The following PDE1C variants were observed in gnomAD, a reference collection of about 807,000 sequenced individuals.
PDE1C encodes the protein dual specificity calcium/calmodulin-dependent 3',5'-cyclic nucleotide phosphodiesterase 1C.
PDE1C carries 62 observed loss-of-function variants against 93.1 expected under a neutral mutation model. The ratio of observed to expected loss-of-function variants is 0.67; its 90% CI spans 0.54 to 0.82. The LOEUF (loss-of-function observed/expected upper bound fraction) is 0.82, where lower values mean the gene tolerates loss of function less well. PDE1C is among the 40% of genes least tolerant of loss of function. The pLI is 0.00. For synonymous variants in PDE1C, 325 were observed against 310.1 expected, an observed-to-expected ratio of 1.05 and a Z score of -0.50; for missense variants, 742 against 884.6, an observed-to-expected ratio of 0.84 and a Z score of 2.04.
chr7:31,811,601 G>A (rs1000078485), intron 15 of PDE1C, among the ~76,000 whole-genome samples: 1 of 152,090 alleles, frequency 6.6e-6, no homozygotes, highest in African/African-American at 2.4e-5. Context: ...GTTCCTTCTA[G>A]TTCATTCTTC....
intron 16 of PDE1C, among the ~76,000 whole-genome samples, chr7:31,802,795 G>A (rs1285613038): frequency 6.6e-6 from 1 of 151,684 alleles, no homozygotes; most frequent in East Asian, 2.0e-4. Flanking sequence ...ATGTTTGTTT[G>A]TCTGTACATA....
intron 3 of PDE1C, among the ~76,000 whole-genome samples, chr7:32,095,514 ATGGGT>A (rs1797704330): frequency 6.6e-6 from 1 of 152,190 alleles, no homozygotes; most frequent in Admixed American, 6.5e-5. Context: ...GCAGAGGTAT[ATGGGT>A]TGGCCAGAAT....
chr7:31,816,434 G>A (rs572644523), intron 14 of PDE1C, among the ~76,000 whole-genome samples: 31 of 152,188 alleles, frequency 2.0e-4, no homozygotes, highest in Admixed American at 4.6e-4. Flanking sequence ...TAATATCACC[G>A]TTATTAATAG....
intron 8 of PDE1C, 55 bp downstream of exon 8, chr7:31,850,586 A>G: frequency 8.4e-7 from 1 of 1,189,372 alleles, no homozygotes; most frequent in Non-Finnish European, 1.3e-6. Context: ...TCTGATTTCT[A>G]AAACTGTCTC....
intron 2 of PDE1C, among the ~76,000 whole-genome samples, chr7:32,019,857 T>C (rs1788414146): frequency 6.6e-6 from 1 of 152,118 alleles, no homozygotes; most frequent in Admixed American, 6.6e-5. Context: ...AATAAAAAGT[T>C]TTAAATACAT....
the PDE1C span, among the ~76,000 whole-genome samples, chr7:31,714,743 A>G: frequency 6.6e-6 from 1 of 152,198 alleles, no homozygotes; most frequent in South Asian, 2.1e-4. Flanking sequence ...CTCTTTATAT[A>G]ACTGTCAGAT....
intron 17 of PDE1C, among the ~76,000 whole-genome samples, chr7:31,772,757 T>C (rs1047799413): frequency 6.6e-6 from 1 of 152,184 alleles, no homozygotes; most frequent in African/African-American, 2.4e-5. Flanking sequence ...ATGTAGGTGG[T>C]GTTGAAGAAA....
rs1192491809 is a variant in PDE1C at position 31,828,270 on chromosome 7, CCAAAGAGCTG to C, written c.1285+12_1285+21del. The stretch of plus-strand genomic sequence containing the variant: ...AGGCTTCCTGCTTTGGTGCTTCTAT[CCAAAGAGCTG>C]CAAACACGTACCTACTTGTGACTGA... On this transcript the variant is annotated intron_variant, in intron 12 of 17. Coordinates refer to ENST00000396191, the MANE Select transcript of PDE1C (RefSeq NM_001191057.4). The C allele has an allele frequency of 6.2e-7, 1 of 1,601,456 alleles. No homozygotes were observed. The highest frequency in any genetic ancestry group is 8.6e-7 in the Non-Finnish European group (1 of 1,169,428).
intron 2 of PDE1C, among the ~76,000 whole-genome samples, chr7:32,197,798 A>G (rs531093387): frequency 2.0e-3 from 303 of 152,322 alleles, no homozygotes; most frequent in African/African-American, 6.9e-3. Context: ...GACTGTGGGT[A>G]TGGATCTCAG....
chr7:31,811,512 A>C (rs534742876), intron 15 of PDE1C, among the ~76,000 whole-genome samples: 1 of 152,178 alleles, frequency 6.6e-6, no homozygotes, highest in African/African-American at 2.4e-5. Context: ...GTCCCACAAA[A>C]CAGTCCAAAT....
chr7:31,980,372 C>G (rs1480690411), intron 2 of PDE1C, among the ~76,000 whole-genome samples: 1 of 152,192 alleles, frequency 6.6e-6, no homozygotes, highest in Admixed American at 6.5e-5. Flanking sequence ...TAATTTCCAT[C>G]TACTAACATA....
chr7:32,234,717 C>T (rs1807947596), intron 1 of PDE1C, among the ~76,000 whole-genome samples: 1 of 151,982 alleles, frequency 6.6e-6, no homozygotes, highest in Non-Finnish European at 1.5e-5. Flanking sequence ...ACCAATTCTA[C>T]ACAATTTCTT....
At chr7:31,798,652 C>T (rs1785607861) in intron 16 of PDE1C, among the ~76,000 whole-genome samples, 1 of 151,690 alleles carries the variant, frequency 6.6e-6, no homozygotes, top group Non-Finnish European at 1.5e-5. Context: ...ACAAATAGAT[C>T]TTTCAGAAAT....
At chr7:32,395,733 A>C (rs1025098507) in intron 1 of PDE1C, among the ~76,000 whole-genome samples, 2 of 152,172 alleles carry the variant, frequency 1.3e-5, no homozygotes, top group Non-Finnish European at 2.9e-5. Flanking sequence ...TGTTTTACAG[A>C]CTCTTGATCT....
intron 3 of PDE1C, among the ~76,000 whole-genome samples, chr7:32,141,250 C>A (rs977435081): frequency 2.6e-5 from 4 of 152,092 alleles, no homozygotes; most frequent in Admixed American, 2.0e-4. Flanking sequence ...GAGAATAGCT[C>A]AAGGACAGGA....
intron 16 of PDE1C, among the ~76,000 whole-genome samples, chr7:31,795,968 A>G (rs1785234208): frequency 1.3e-5 from 2 of 151,446 alleles, no homozygotes; most frequent in Non-Finnish European, 3.0e-5. Flanking sequence ...AATCGAAAAA[A>G]CCTTTTAGAG....
chr7:31,750,713 TG>T (rs1191863232), downstream of PDE1C, among the ~76,000 whole-genome samples: 4 of 152,332 alleles, frequency 2.6e-5, no homozygotes, highest in Admixed American at 6.5e-5. Flanking sequence ...AAGTTCCAAT[TG>T]TTTTTTTTGT....
chr7:31,965,104 C>T (rs890212871), intron 2 of PDE1C, among the ~76,000 whole-genome samples: 8 of 152,186 alleles, frequency 5.3e-5, no homozygotes, highest in Non-Finnish European at 5.9e-5. Flanking sequence ...CAATGCTGGA[C>T]GGAGAATGAC....
intron 1 of PDE1C, among the ~76,000 whole-genome samples, chr7:32,342,957 C>A (rs7808601): frequency 0.027 from 4,119 of 152,232 alleles, 141 homozygotes; most frequent in African/African-American, 0.074. Context: ...GAATATGCAT[C>A]ATTATCAAAG....
Sources: allele counts gnomAD v4.1 joint callset (sites outside exome capture counted in the v4.1 genomes callset), GRCh38; gene constraint gnomAD v4.1.1; transcripts MANE v1.5; gene names NCBI Gene and HGNC (gene_info 2026-07-23, HGNC 2026-07-21).